ZNF277: variants seen among roughly 807,000 people sequenced by gnomAD.
The protein encoded by ZNF277 is nuclear receptor-interacting factor 4.
A neutral mutation model predicts 60.7 loss-of-function variants in ZNF277; 55 were observed. That is an observed-to-expected ratio of 0.91 (90% CI 0.73 to 1.13). ZNF277 has a LOEUF of 1.13. Ranked by LOEUF, ZNF277 falls within the 50% of genes most tolerant of loss-of-function variation. The probability of loss-of-function intolerance (pLI) is 0.00; values close to 1 mark genes in which losing one functional copy is unlikely to be tolerated. For missense variants in ZNF277, 510 were observed against 523.0 expected (o/e 0.98, Z 0.24); for synonymous variants, 178 against 179.3 (o/e 0.99, Z 0.06).
intron 1 of ZNF277, among the ~76,000 whole-genome samples, chr7:112,209,895 G>A (rs981654956): frequency 6.6e-6 from 1 of 151,974 alleles, no homozygotes; most frequent in Non-Finnish European, 1.5e-5. Context: ...ACTATCGCAA[G>A]GACAGAAAAC....
Position 112,257,905 on chromosome 7 carries a change from C to G in ZNF277, c.92-28968C>G, listed in dbSNP as rs572675707. ...CGTAACTCACAGCAACCCCGAACTC[C>G]TAGGCTCAAGTGATCATCCAGCCTT... On this transcript the variant is annotated intron_variant, in intron 1 of 11. Transcript: ENST00000361822. 5.9e-5 allele frequency among the ~76,000 whole-genome samples: 9 copies of G among 152,164 alleles called. No individual in the cohort carries two copies. The East Asian group carries it at 1.5e-3, about 26-fold the overall frequency.
At chr7:112,272,246 G>C (rs959710923) in intron 1 of ZNF277, among the ~76,000 whole-genome samples, 2 of 152,104 alleles carry the variant, frequency 1.3e-5, no homozygotes, top group Admixed American at 1.3e-4. Context: ...CATCCACATT[G>C]TTGCAGATGA....
At chr7:112,321,146 C>A (rs1404241515) in intron 5 of ZNF277, among the ~76,000 whole-genome samples, 10 of 151,720 alleles carry the variant, frequency 6.6e-5, no homozygotes, top group African/African-American at 1.7e-4. Context: ...CAGTCTCGAT[C>A]TCCTGACCTC....
At chr7:112,333,453 G>T (rs1035503161) in intron 7 of ZNF277, among the ~76,000 whole-genome samples, 1 of 152,144 alleles carries the variant, frequency 6.6e-6, no homozygotes, top group Non-Finnish European at 1.5e-5. Context: ...ATGGTATATG[G>T]AAAGTCAGCG....
At chr7:112,265,370 G>A (rs1434366632) in intron 1 of ZNF277, among the ~76,000 whole-genome samples, 1 of 152,138 alleles carries the variant, frequency 6.6e-6, no homozygotes, top group Non-Finnish European at 1.5e-5. Context: ...CAGGTCAGTG[G>A]AGCAGTAAGA....
chr7:112,269,210 G>GTT lies in ZNF277; in HGVS notation c.92-17654_92-17653dup, dbSNP rs55937027. Among the ~76,000 whole-genome samples, 806 of 146,236 alleles carry GTT rather than the reference G, an allele frequency of 5.5e-3. 3 individuals carry two copies. The highest frequency in any genetic ancestry group is 8.8e-3 in the East Asian group (45 of 5,092). ...TTTTAAAATACAATGGATTTTTTTT[G>GTT]TTTTTTTTTTGTTTGTTTTACAATT... is the stretch of plus-strand genomic sequence containing the variant. On this transcript the variant is annotated intron_variant, in intron 1 of 11. Coordinates refer to ENST00000361822, the MANE Select transcript of ZNF277 (RefSeq NM_021994.3).
At chr7:112,333,738 A>C (rs1031489002) in intron 7 of ZNF277, among the ~76,000 whole-genome samples, 3 of 152,240 alleles carry the variant, frequency 2.0e-5, no homozygotes, top group Admixed American at 6.5e-5. Context: ...TCAGTTTCTG[A>C]ATAGTAACAG....
intron 4 of ZNF277, among the ~76,000 whole-genome samples, chr7:112,298,619 G>A (rs558161616): frequency 1.3e-5 from 2 of 152,272 alleles, no homozygotes; most frequent in South Asian, 2.1e-4. Flanking sequence ...ATGTAGCTGC[G>A]TATAAATCCA....
At chr7:112,324,573 C>T (rs1004151547) in intron 5 of ZNF277, among the ~76,000 whole-genome samples, 1 of 152,080 alleles carries the variant, frequency 6.6e-6, no homozygotes, top group Non-Finnish European at 1.5e-5. Context: ...CTCCAAAGCC[C>T]CAAAGATTTT....
At chr7:112,228,638 G>C (rs565396240) in intron 1 of ZNF277, among the ~76,000 whole-genome samples, 2 of 151,558 alleles carry the variant, frequency 1.3e-5, no homozygotes, top group South Asian at 2.1e-4. Context: ...TTTATGCCAG[G>C]CTTTTCCAAC....
intron 1 of ZNF277, among the ~76,000 whole-genome samples, chr7:112,208,673 G>GTTTTTTTTTTTTTTTTTT (rs1407981050): frequency 1.8e-5 from 1 of 56,822 alleles, no homozygotes; most frequent in African/African-American, 5.8e-5. Context: ...TGTATGATTT[G>GTTTTTTTTTTTTTTTTTT]ATTTTTTTTT....
chr7:112,261,617 A>G (rs943309556), intron 1 of ZNF277, among the ~76,000 whole-genome samples: 2 of 152,110 alleles, frequency 1.3e-5, no homozygotes, highest in Non-Finnish European at 2.9e-5. Flanking sequence ...CCTAAATACT[A>G]CCACACCACA....
rs189408755 is a variant in ZNF277 at position 112,307,491 on chromosome 7, T to C, written c.466-10691T>C. Among the ~76,000 whole-genome samples, 399 of 151,108 alleles carry C rather than the reference T, an allele frequency of 2.6e-3. 3 individuals are homozygous for C. Among genetic ancestry groups the C allele is most frequent in the Non-Finnish European group, 3.8e-3 (260 of 67,650 alleles). ...GTGCAGTGGTGTGATCTCGGCTCAC[T>C]GCAGCCTCCGCCTCCTGGTTTCAAG... On this transcript the variant is annotated intron_variant, in intron 4 of 11. Coordinates refer to ENST00000361822, the MANE Select transcript of ZNF277 (RefSeq NM_021994.3).
At chr7:112,309,531 T>G (rs1792674296) in intron 4 of ZNF277, among the ~76,000 whole-genome samples, 1 of 151,962 alleles carries the variant, frequency 6.6e-6, no homozygotes, top group Non-Finnish European at 1.5e-5. Flanking sequence ...TGCTTTGGGA[T>G]GAGGGTTAGC....
intron 4 of ZNF277, among the ~76,000 whole-genome samples, chr7:112,317,645 A>G (rs1323584731): frequency 6.6e-6 from 1 of 152,136 alleles, no homozygotes; most frequent in Non-Finnish European, 1.5e-5. Flanking sequence ...ATTAAGAAAA[A>G]TTCTAGCAGC....
intron 6 of ZNF277, among the ~76,000 whole-genome samples, chr7:112,329,467 T>C (rs1328786248): frequency 6.6e-6 from 1 of 152,234 alleles, no homozygotes; most frequent in Non-Finnish European, 1.5e-5. Flanking sequence ...ACAGCTACTA[T>C]TTATCTTATT....
chr7:112,216,242 C>T (rs1218305507), intron 1 of ZNF277, among the ~76,000 whole-genome samples: 1 of 152,234 alleles, frequency 6.6e-6, no homozygotes, highest in Non-Finnish European at 1.5e-5. Flanking sequence ...ATAGACAGTA[C>T]AGCTTTGCAA....
chr7:112,265,192 GCTTTCCACTTGC>G (rs1364882747), intron 1 of ZNF277, among the ~76,000 whole-genome samples: 3 of 152,080 alleles, frequency 2.0e-5, no homozygotes, highest in Non-Finnish European at 4.4e-5. Flanking sequence ...ATCTGTCTTG[GCTTTCCACTTGC>G]CTTTCCACTA....
At chr7:112,322,868 C>T (rs1017045467) in intron 5 of ZNF277, among the ~76,000 whole-genome samples, 8 of 152,108 alleles carry the variant, frequency 5.3e-5, no homozygotes, top group Non-Finnish European at 1.5e-5. Flanking sequence ...CCTCCTCCAC[C>T]CCACCAGGGT....
Sources: gnomAD v4.1 joint callset for allele counts (sites outside exome capture counted in the v4.1 genomes callset) on GRCh38, gnomAD v4.1.1 for gene constraint, MANE v1.5 for transcripts, NCBI Gene and HGNC (gene_info 2026-07-23, HGNC 2026-07-21) for gene names.